PLS1: variants seen among roughly 807,000 people sequenced by gnomAD.
The protein encoded by PLS1 is plastin 1.
A neutral mutation model predicts 73.7 loss-of-function variants in PLS1; 32 were observed. The observed-to-expected ratio is 0.43, with a 90% CI of 0.33 to 0.58. The LOEUF (loss-of-function observed/expected upper bound fraction) is 0.58. Among genes scored for constraint, PLS1 ranks in the 20% least tolerant of loss-of-function variants. The probability of loss-of-function intolerance (pLI) is 0.04; values close to 1 mark genes in which losing one functional copy is unlikely to be tolerated. For missense variants in PLS1, 633 were observed against 740.5 expected, an observed-to-expected ratio of 0.85 and a Z score of 1.68; for synonymous variants, 217 against 261.3, an observed-to-expected ratio of 0.83 and a Z score of 1.63.
At position 142,713,142 on chromosome 3, in the gene PLS1, A is replaced by T. The variant is rs1462518908; in HGVS notation, c.*1135A>T. The T allele has an allele frequency of 6.6e-6, 1 of 152,522 alleles. No individual in the cohort carries two copies. The highest frequency in any genetic ancestry group is 2.4e-5 in the African/African-American group (1 of 41,446). 9.4% of individuals were successfully genotyped at this position (152,522 alleles called of 1,614,324 possible). A position where few individuals can be genotyped will look rare whatever the true frequency, so the allele number is the denominator to read the frequency against. ...CGTTACAAATTGGCAATGTTTGGTT[A>T]ATGTTTGTATTACTTGGAAATCGCT... On this transcript the variant is annotated 3_prime_UTR_variant, in exon 16 of 16. Transcript: ENST00000457734.
At chr3:142,698,293 G>A (rs2038253741) in intron 12 of PLS1, 1 of 393,310 alleles carries the variant, frequency 2.5e-6, no homozygotes, top group Non-Finnish European at 4.6e-6. Context: ...TCAAGTCATA[G>A]TACTTAATGT....
At chr3:142,693,816 G>C (rs1400157452) in intron 10 of PLS1, among the ~76,000 whole-genome samples, 1 of 152,070 alleles carries the variant, frequency 6.6e-6, no homozygotes, top group Non-Finnish European at 1.5e-5. Flanking sequence ...AACTTACTAT[G>C]ATGAAATCTG....
chr3:142,675,711 T>C (rs1051833989), intron 4 of PLS1, among the ~76,000 whole-genome samples: 4 of 151,820 alleles, frequency 2.6e-5, no homozygotes, highest in African/African-American at 9.7e-5. Context: ...GGTCTCTCTT[T>C]GTGGCTTAGG....
At position 142,612,022 on chromosome 3, in the gene PLS1, G is replaced by A. The variant is rs181779213; in HGVS notation, c.-37+15513G>A. Among the ~76,000 whole-genome samples, 12 of 152,204 alleles carry A rather than the reference G, an allele frequency of 7.9e-5. No homozygotes were observed. In the East Asian group the frequency reaches 2.1e-3, roughly 27 times the overall value. On this transcript the variant is annotated intron_variant, in intron 1 of 15. Coordinates refer to ENST00000457734, the MANE Select transcript of PLS1 (RefSeq NM_001145319.2). ...ACCAGCGCTCTCAATGACATATTAT[G>A]CTTCTCTAGGTACTGAAATATATGT...
At chr3:142,637,384 C>A (rs6440099) in intron 1 of PLS1, among the ~76,000 whole-genome samples, 1 of 151,830 alleles carries the variant, frequency 6.6e-6, no homozygotes, top group African/African-American at 2.4e-5. Flanking sequence ...CAGAGGAGGA[C>A]GGGAAGGAGG....
intron 4 of PLS1, among the ~76,000 whole-genome samples, chr3:142,675,767 C>T (rs904393948): frequency 2.6e-5 from 4 of 151,956 alleles, no homozygotes; most frequent in Non-Finnish European, 4.4e-5. Context: ...CCTCCACCCC[C>T]CGGTTCAAGC....
chr3:142,678,057 G>A lies in PLS1; in HGVS notation c.523G>A (p.Asp175Asn). The A allele has an allele frequency of 6.5e-7, 1 of 1,542,108 alleles. No homozygotes were observed. The highest frequency in any genetic ancestry group is 8.8e-7 in the Non-Finnish European group (1 of 1,136,342). ...CAAAATGATCAACTTATCTGAACCA[G>A]ATACAATTGATGAAAGAGCCATCAA... ...LCKMINLSEPDTIDERAINKK... is the reference protein window; with the variant it reads ...LCKMINLSEPNTIDERAINKK... The change falls in exon 6 of 16, where the codon GAT becomes AAT. Residue 175 changes from aspartate (D) to asparagine (N), a missense_variant. Physicochemically the swap from Asp to Asn is conservative, Grantham distance 23 (BLOSUM62 1). Coordinates refer to ENST00000457734, the MANE Select transcript of PLS1 (RefSeq NM_001145319.2).
chr3:142,642,627 G>A (rs147889579), intron 1 of PLS1, among the ~76,000 whole-genome samples: 55 of 152,218 alleles, frequency 3.6e-4, no homozygotes, highest in African/African-American at 9.6e-4. Flanking sequence ...CATATTATCC[G>A]ATTATTATCC....
At chr3:142,606,683 A>G (rs959715754) in intron 1 of PLS1, among the ~76,000 whole-genome samples, 3 of 152,218 alleles carry the variant, frequency 2.0e-5, no homozygotes, top group African/African-American at 7.2e-5. Flanking sequence ...TTTCAAATAA[A>G]TGGAATCGTA....
At chr3:142,704,894 G>A (rs2038425880) in intron 14 of PLS1, among the ~76,000 whole-genome samples, 1 of 149,904 alleles carries the variant, frequency 6.7e-6, no homozygotes, top group Admixed American at 6.7e-5. Flanking sequence ...TCCTGACCTC[G>A]TGATCCGCCC....
At chr3:142,692,313 A>G (rs991366175) in intron 10 of PLS1, among the ~76,000 whole-genome samples, 3 of 152,136 alleles carry the variant, frequency 2.0e-5, no homozygotes, top group Admixed American at 6.6e-5. Context: ...AGTTCTTTCA[A>G]TCTTGTATAT....
chr3:142,694,737 A>G (rs1188842845), intron 11 of PLS1, among the ~76,000 whole-genome samples, 190 bp downstream of exon 11: 1 of 152,230 alleles, frequency 6.6e-6, no homozygotes, highest in Non-Finnish European at 1.5e-5. Context: ...AAGGAATAAT[A>G]GTTATGTTTT....
At chr3:142,652,174 C>T (rs572163148) in intron 1 of PLS1, among the ~76,000 whole-genome samples, 12 of 152,294 alleles carry the variant, frequency 7.9e-5, no homozygotes, top group African/African-American at 2.9e-4. Context: ...TTCAGCAGGT[C>T]CTCAGAAGAA....
At chr3:142,642,598 G>C (rs1301499233) in intron 1 of PLS1, among the ~76,000 whole-genome samples, 1 of 152,180 alleles carries the variant, frequency 6.6e-6, no homozygotes, top group Non-Finnish European at 1.5e-5. Context: ...CCATATGGCA[G>C]GGTCTCTGTT....
chr3:142,677,216 CT>C (rs1260786999), intron 5 of PLS1, among the ~76,000 whole-genome samples: 1 of 152,154 alleles, frequency 6.6e-6, no homozygotes, highest in Non-Finnish European at 1.5e-5. Context: ...GGCTTCGTAT[CT>C]TTCTGCAACA....
chr3:142,710,546 A>G (rs892032972), intron 14 of PLS1, among the ~76,000 whole-genome samples: 1 of 152,116 alleles, frequency 6.6e-6, no homozygotes, highest in Non-Finnish European at 1.5e-5. Flanking sequence ...CCCTACCCCT[A>G]TTGAGAATGC....
Position 142,647,827 on chromosome 3 carries a change from C to T in PLS1, c.-36-16375C>T, listed in dbSNP as rs142820779. On this transcript the variant is annotated intron_variant, in intron 1 of 15. Transcript: ENST00000457734. ...GAATCTTCTAGTCAGATGATTCTTT[C>T]TTTCCTACTTATTTCATTCTAGACT... Among the ~76,000 whole-genome samples, 943 of 152,264 alleles carry T rather than the reference C, an allele frequency of 6.2e-3. 8 individuals carry two copies. The highest frequency in any genetic ancestry group is 0.022 in the African/African-American group (897 of 41,540).
In PLS1 at chr3:142,669,471, A is replaced by G. The variant is rs1168194626; in HGVS notation, c.152A>G (p.Lys51Arg). Residue 51 changes from lysine (K) to arginine (R), a missense_variant, in exon 3 of 16, where the codon AAG becomes AGG. Transcript: ENST00000457734. ...KEASLPLPGY[K>R]VREIVEKILS... is the part of the protein sequence containing the mutation. ...GCAAGCCTTCCTCTGCCTGGCTACA[A>G]GGTGCGCGAGATTGTGGAGAAAATT... 2.5e-6 allele frequency: 4 copies of G among 1,613,206 alleles called. No individual in the cohort carries two copies. Among genetic ancestry groups the G allele is most frequent in the East Asian group, 2.2e-5 (1 of 44,878 alleles).
chr3:142,698,647 T>A (rs1290192101), intron 12 of PLS1, among the ~76,000 whole-genome samples: 1 of 152,002 alleles, frequency 6.6e-6, no homozygotes, highest in Non-Finnish European at 1.5e-5. Context: ...AAAATAATGA[T>A]GAATAATAGA....
Sources: gnomAD v4.1 joint callset for allele counts (sites outside exome capture counted in the v4.1 genomes callset) on GRCh38, gnomAD v4.1.1 for gene constraint, MANE v1.5 for transcripts, NCBI Gene and HGNC (gene_info 2026-07-23, HGNC 2026-07-21) for gene names.